HMCN1: variants seen among roughly 807,000 people sequenced by gnomAD.
HMCN1 encodes the protein hemicentin 1, also known as hemicentin-1.
Under a neutral mutation model 625.9 loss-of-function variants are expected in HMCN1, and 321 were observed. The observed-to-expected ratio is 0.51, with a 90% CI of 0.47 to 0.56. The LOEUF (loss-of-function observed/expected upper bound fraction) is 0.56, where lower values mean the gene tolerates loss of function less well. Among genes scored for constraint, HMCN1 ranks in the 20% least tolerant of loss-of-function variants. The pLI, the probability that HMCN1 is intolerant of heterozygous loss-of-function variation, is 0.00. For synonymous variants in HMCN1, 2,425 were observed against 2,417.6 expected (o/e 1.00, Z -0.09); for missense variants, 6,588 against 6,887.3 (o/e 0.96, Z 1.54).
At chr1:186,176,358 T>C (rs1159111677) in intron 103 of HMCN1, among the ~76,000 whole-genome samples, 1 of 152,208 alleles carries the variant, frequency 6.6e-6, no homozygotes, top group Non-Finnish European at 1.5e-5. Flanking sequence ...GTATGGAAGA[T>C]TAGAGACACT....
intron 41 of HMCN1, among the ~76,000 whole-genome samples, chr1:186,046,160 A>G (rs1656556993): frequency 6.6e-6 from 1 of 152,114 alleles, no homozygotes; most frequent in Non-Finnish European, 1.5e-5. Flanking sequence ...CCAAGTGACC[A>G]TTTTAGGTGC....
chr1:186,167,452 G>T (rs766208246), intron 100 of HMCN1, among the ~76,000 whole-genome samples: 4 of 152,040 alleles, frequency 2.6e-5, no homozygotes, highest in African/African-American at 9.7e-5. Flanking sequence ...ACACCAGGGC[G>T]GTACGTTTGT....
chr1:186,053,872 G>A lies in HMCN1; in HGVS notation c.6748G>A (p.Gly2250Arg). The A allele has an allele frequency of 6.2e-7, 1 of 1,612,666 alleles. No individual in the cohort carries two copies. Among genetic ancestry groups the A allele is most frequent in the Non-Finnish European group, 8.5e-7 (1 of 1,179,172 alleles). The change falls in exon 44 of 107, where the codon GGG (glycine) becomes AGG (arginine). Residue 2250 changes from glycine to arginine, a missense_variant. Coordinates refer to ENST00000271588, the MANE Select transcript of HMCN1 (RefSeq NM_031935.3). ...CATGGGGCGAGTTAGAATTTTATCT[G>A]GGGGCAGGCAATTACAAATTTCAAT... ...DSMGRVRILS[G>R]GRQLQISIAE... is the part of the protein sequence containing the mutation.
chr1:185,970,664 CT>C (rs372725145), intron 15 of HMCN1, among the ~76,000 whole-genome samples, 171 bp downstream of exon 15: 2,410 of 145,060 alleles, frequency 0.017, 53 homozygotes, highest in African/African-American at 0.047. Flanking sequence ...TGCTTTCTTT[CT>C]TTTTTTTTTT....
intron 1 of HMCN1, among the ~76,000 whole-genome samples, chr1:185,804,115 A>T (rs1010495284): frequency 1.7e-4 from 26 of 152,192 alleles, no homozygotes; most frequent in East Asian, 5.8e-4. Context: ...AGATTTTTTT[A>T]AAATTTTCAT....
chr1:185,984,930 A>G (rs1651907113), intron 19 of HMCN1, among the ~76,000 whole-genome samples: 1 of 152,124 alleles, frequency 6.6e-6, no homozygotes, highest in Non-Finnish European at 1.5e-5. Flanking sequence ...ACTCTGCAAC[A>G]TTGCTTTTTT....
At chr1:185,767,264 G>C (rs2102137202) in intron 1 of HMCN1, among the ~76,000 whole-genome samples, 1 of 152,258 alleles carries the variant, frequency 6.6e-6, no homozygotes, top group South Asian at 2.1e-4. Flanking sequence ...ATCCAACTGA[G>C]AGATTGATTT....
At chr1:186,155,353 A>G (rs1650929967) in intron 97 of HMCN1, among the ~76,000 whole-genome samples, 2 of 152,066 alleles carry the variant, frequency 1.3e-5, no homozygotes, top group African/African-American at 4.8e-5. Flanking sequence ...ACCTTTTACT[A>G]TTGCCATGCA....
At position 185,734,443 on chromosome 1, in the gene HMCN1, GGCCGCGGC is replaced by G. The variant is rs1464455886; in HGVS notation, c.-331_-324del. The G allele has an allele frequency of 7.8e-6, 2 of 255,342 alleles. No individual in the cohort carries two copies. The highest frequency in any genetic ancestry group is 1.3e-4 in the East Asian group (2 of 15,136). 15.8% of individuals were successfully genotyped at this position (255,342 alleles called of 1,614,324 possible). ...GCGGCGGCGAGGGCAGCGGGATTCG[GGCCGCGGC>G]GCCGCAGGCTCAGAGCTGCCCCCGG... On this transcript the variant is annotated 5_prime_UTR_variant, in exon 1 of 107. Transcript: ENST00000271588.
chr1:186,085,710 C>T (rs1207474477), intron 57 of HMCN1, among the ~76,000 whole-genome samples: 2 of 151,850 alleles, frequency 1.3e-5, no homozygotes. Context: ...ATCGAGAGTA[C>T]TGACCACATC....
intron 86 of HMCN1, among the ~76,000 whole-genome samples, chr1:186,135,843 C>T (rs192780693): frequency 2.6e-5 from 4 of 152,264 alleles, no homozygotes; most frequent in Non-Finnish European, 4.4e-5. Context: ...TATTAGTACA[C>T]GTTAGTTCCA....
intron 6 of HMCN1, among the ~76,000 whole-genome samples, chr1:185,916,003 C>T (rs9628626): frequency 0.11 from 16,416 of 151,852 alleles, 2,884 homozygotes; most frequent in African/African-American, 0.37. Flanking sequence ...ATAAAAAAGA[C>T]ATGTGTACAC....
intron 1 of HMCN1, among the ~76,000 whole-genome samples, chr1:185,821,936 A>T (rs1348921290): frequency 6.6e-6 from 1 of 151,892 alleles, no homozygotes; most frequent in Admixed American, 6.6e-5. Context: ...TCAAATGAAT[A>T]TTGCTAAGTG....
chr1:185,865,650 C>T (rs1663138588), intron 3 of HMCN1, 91 bp from the exon 4 acceptor site: 1 of 980,726 alleles, frequency 1.0e-6, no homozygotes, highest in Non-Finnish European at 1.5e-6. Flanking sequence ...TTCTACTTGC[C>T]CAGTAATGTA....
At chr1:186,098,747 C>A (rs971766623) in intron 68 of HMCN1, among the ~76,000 whole-genome samples, 7 of 151,950 alleles carry the variant, frequency 4.6e-5, no homozygotes, top group African/African-American at 1.7e-4. Flanking sequence ...AGCACTATTC[C>A]CAACAGACAA....
chr1:185,873,656 A>G (rs1663766237), intron 4 of HMCN1, among the ~76,000 whole-genome samples: 1 of 152,052 alleles, frequency 6.6e-6, no homozygotes, highest in African/African-American at 2.4e-5. Flanking sequence ...GTTAAAAAGC[A>G]CCTGTGATTG....
chr1:186,178,256 G>C (rs146202219), intron 103 of HMCN1, among the ~76,000 whole-genome samples, 160 bp from the exon 104 acceptor site: 1,853 of 152,268 alleles, frequency 0.012, 35 homozygotes, highest in African/African-American at 0.038. Flanking sequence ...TTAAAGCTTT[G>C]TCAAAAGTTC....
chr1:185,989,365 A>T (rs1407890329), intron 20 of HMCN1, 123 bp from the exon 21 acceptor site: 1 of 1,097,696 alleles, frequency 9.1e-7, no homozygotes, highest in Non-Finnish European at 1.4e-6. Flanking sequence ...TTTAAAATTT[A>T]CTCTATTCCC....
rs1660088979 is a variant in HMCN1 at position 186,095,488 on chromosome 1, G to A, written c.10540G>A (p.Glu3514Lys). The A allele has an allele frequency of 6.2e-7, 1 of 1,613,520 alleles. No homozygotes were observed. ...CTGCATTGCCTCAAATGAAGCTGGAGAAGTCAGCAAGCACTTTATCCTCAA... is the reference window on the plus strand; with the variant it reads ...CTGCATTGCCTCAAATGAAGCTGGAAAAGTCAGCAAGCACTTTATCCTCAA... ...YTCIASNEAG[E>K]VSKHFILKVL... Residue 3514 changes from glutamate (E) to lysine (K), a missense_variant, in exon 68 of 107, where the codon GAA (glutamate) becomes AAA (lysine). Coordinates refer to ENST00000271588, the MANE Select transcript of HMCN1 (RefSeq NM_031935.3).
Sources: allele counts gnomAD v4.1 joint callset (sites outside exome capture counted in the v4.1 genomes callset), GRCh38; gene constraint gnomAD v4.1.1; transcripts MANE v1.5; gene names NCBI Gene and HGNC (gene_info 2026-07-23, HGNC 2026-07-21).